PLEKHG4B: variants seen among roughly 807,000 people sequenced by gnomAD.
PLEKHG4B encodes the protein pleckstrin homology and RhoGEF domain containing G4B.
Under a neutral mutation model 121.3 loss-of-function variants are expected in PLEKHG4B, and 111 were observed. The observed-to-expected ratio is 0.92, with a 90% CI of 0.78 to 1.07. The LOEUF (loss-of-function observed/expected upper bound fraction) is 1.07, where lower values mean the gene tolerates loss of function less well. Ranked by LOEUF, PLEKHG4B falls within the 50% of genes least tolerant of loss-of-function variation. PLEKHG4B has a pLI of 0.00. For synonymous variants in PLEKHG4B, 738 were observed against 725.0 expected (o/e 1.02, Z -0.29); for missense variants, 1,831 against 1,757.8 (o/e 1.04, Z -0.74).
rs766002974 is a variant in PLEKHG4B at position 173,906 on chromosome 5, T to C, written c.4222-12T>C. 6.2e-7 allele frequency: 1 copy of C among 1,611,920 alleles called. No homozygotes were observed. The highest frequency in any genetic ancestry group is 2.2e-5 in the East Asian group (1 of 44,828). ...TCCTGATGGTGCTGCAATGGGTGTT[T>C]GCTGACTGCAGACGGCCGAGATCGG... On this transcript the variant is annotated splice_polypyrimidine_tract_variant and intron_variant, in intron 17 of 19. Transcript: ENST00000637938.
chr5:156,534 C>T lies in PLEKHG4B; in HGVS notation c.2349-239C>T, dbSNP rs751074060. Among the ~76,000 whole-genome samples, 6 of 152,164 alleles carry T rather than the reference C, an allele frequency of 3.9e-5. No individual in the cohort carries two copies. The highest frequency in any genetic ancestry group is 5.9e-5 in the Non-Finnish European group (4 of 68,002). On this transcript the variant is annotated intron_variant, in intron 10 of 19. Coordinates refer to ENST00000637938, the MANE Select transcript of PLEKHG4B (RefSeq NM_052909.5). This position sits in a 1 kb window ranked among gnomAD's most constrained non-coding sequence, Gnocchi z 4.4. The stretch of plus-strand genomic sequence containing the variant: ...CATCTCAGCTGCACACAGCCAGTCC[C>T]GCCTAAGCTGCCCCACCTGGGTCCC...
intron 2 of PLEKHG4B, among the ~76,000 whole-genome samples, chr5:118,484 A>G (rs1327736411): frequency 3.3e-5 from 5 of 152,186 alleles, no homozygotes; most frequent in Non-Finnish European, 7.3e-5. Context: ...ATTTAGAAAC[A>G]TTTATCTCAA....
intron 18 of PLEKHG4B, among the ~76,000 whole-genome samples, chr5:181,158 A>T (rs1237774630): frequency 3.3e-5 from 5 of 152,160 alleles, no homozygotes; most frequent in African/African-American, 1.2e-4. Flanking sequence ...TCCCATGGAC[A>T]CGGCTCCCAG....
intron 1 of PLEKHG4B, among the ~76,000 whole-genome samples, chr5:92,945 A>G (rs1457390520): frequency 6.6e-6 from 1 of 152,158 alleles, no homozygotes; most frequent in East Asian, 1.9e-4. Flanking sequence ...GCTTTGGTGA[A>G]AGAGTGATAA....
chr5:149,047 A>G (rs1735519819), intron 6 of PLEKHG4B, among the ~76,000 whole-genome samples: 1 of 152,238 alleles, frequency 6.6e-6, no homozygotes, highest in South Asian at 2.1e-4. Context: ...ATTCTTACCT[A>G]AACACCATAT....
At chr5:152,094 C>T (rs7706965) in intron 7 of PLEKHG4B, among the ~76,000 whole-genome samples, 28,673 of 152,090 alleles carry the variant, frequency 0.19, 3,777 homozygotes, top group African/African-American at 0.37. Context: ...TTGAGCAAAT[C>T]GCAATGCGAG....
intron 1 of PLEKHG4B, among the ~76,000 whole-genome samples, chr5:104,804 C>T (rs1049806797): frequency 3.3e-5 from 5 of 152,244 alleles, no homozygotes; most frequent in African/African-American, 4.8e-5. Flanking sequence ...TTAGGAAAAG[C>T]ACAACAATCA....
intron 7 of PLEKHG4B, among the ~76,000 whole-genome samples, chr5:152,275 A>T (rs1030024739): frequency 6.6e-6 from 1 of 151,236 alleles, no homozygotes; most frequent in Non-Finnish European, 1.5e-5. Flanking sequence ...TGGTTGTGCA[A>T]TCAGAGCTTA....
At chr5:145,838 T>C (rs1300337732) in intron 6 of PLEKHG4B, among the ~76,000 whole-genome samples, 1 of 152,014 alleles carries the variant, frequency 6.6e-6, no homozygotes, top group Non-Finnish European at 1.5e-5. Flanking sequence ...CCCTCTCCCA[T>C]GCCCCACCTG....
At chr5:153,611 C>A (rs1735672400) in intron 7 of PLEKHG4B, among the ~76,000 whole-genome samples, 1 of 152,212 alleles carries the variant, frequency 6.6e-6, no homozygotes, top group South Asian at 2.1e-4. Flanking sequence ...GTGGTGTGGC[C>A]ACCCCACCCC....
At chr5:165,046 G>C (rs1230030000) in intron 13 of PLEKHG4B, among the ~76,000 whole-genome samples, 6 of 96,246 alleles carry the variant, frequency 6.2e-5, no homozygotes, top group Admixed American at 1.0e-4. Context: ...TCACACTAAT[G>C]CTCTGACGGG....
chr5:161,412 G>A, intron 11 of PLEKHG4B, among the ~76,000 whole-genome samples: 1 of 152,248 alleles, frequency 6.6e-6, no homozygotes, highest in East Asian at 1.9e-4. Context: ...AGAGGCCCGT[G>A]CCACCTCTCA....
intron 2 of PLEKHG4B, among the ~76,000 whole-genome samples, chr5:118,652 T>C (rs942999840): frequency 6.6e-6 from 1 of 152,212 alleles, no homozygotes; most frequent in Admixed American, 6.5e-5. Context: ...CTTCCTCTCA[T>C]GAATCTTAAA....
intron 1 of PLEKHG4B, among the ~76,000 whole-genome samples, chr5:107,018 A>G (rs1259169512): frequency 6.6e-6 from 1 of 152,244 alleles, no homozygotes; most frequent in Non-Finnish European, 1.5e-5. Context: ...CTCAGTGCAG[A>G]CATGGGAAGA....
rs201248236 is a variant in PLEKHG4B, at chr5:97,858, A to G, written c.45+5582A>G. Among the ~76,000 whole-genome samples the G allele has an allele frequency of 1.8e-4, 28 of 152,248 alleles. 1 individual carries two copies. The East Asian group carries it at 5.4e-3, about 29-fold the overall frequency. On this transcript the variant is annotated intron_variant, in intron 1 of 19. Transcript: ENST00000637938. Reference sequence around the variant, plus strand: ...GTTCTGTGTAACTTTTTGACAGACCACCAGACTCGCTCCATAGCAGCTGCA... The same window carrying G: ...GTTCTGTGTAACTTTTTGACAGACCGCCAGACTCGCTCCATAGCAGCTGCA...
chr5:147,672 G>A (rs879867612), intron 6 of PLEKHG4B, among the ~76,000 whole-genome samples: 4 of 152,184 alleles, frequency 2.6e-5, no homozygotes, highest in Non-Finnish European at 4.4e-5. Context: ...CTTTTTACAA[G>A]CATGTAAGTT....
chr5:150,640 A>G lies in PLEKHG4B; in HGVS notation c.1906-873A>G, dbSNP rs550425768. Among the ~76,000 whole-genome samples the G allele has an allele frequency of 6.6e-5, 10 of 152,364 alleles. 1 individual carries two copies. In the South Asian group the frequency reaches 2.1e-3, roughly 32 times the overall value. The stretch of plus-strand genomic sequence containing the variant: ...AGGATTTGAGTACTCTTCACTGAAG[A>G]TGATACACAGATGGCAAATAAGCAC... On this transcript the variant is annotated intron_variant, in intron 6 of 19. Coordinates refer to ENST00000637938, the MANE Select transcript of PLEKHG4B (RefSeq NM_052909.5).
chr5:183,025 C>G lies in PLEKHG4B; in HGVS notation c.*702C>G, dbSNP rs1733470200. 1.3e-5 allele frequency: 2 copies of G among 152,344 alleles called. No homozygotes were observed. The highest frequency in any genetic ancestry group is 4.2e-4 in the South Asian group (2 of 4,816). The allele number at this position is 152,344 out of a possible 1,614,324, so 9.4% of individuals were successfully genotyped here. On this transcript the variant is annotated 3_prime_UTR_variant, in exon 20 of 20. Coordinates refer to ENST00000637938, the MANE Select transcript of PLEKHG4B (RefSeq NM_052909.5). ...CAGACTAGGGAAACTCTCAATAGAT[C>G]AATTCCTGATACTCATGTGGGCTGG... is the stretch of plus-strand genomic sequence containing the variant.
At chr5:181,880 T>G in intron 19 of PLEKHG4B, 124 bp from the exon 20 acceptor site, 1 of 1,306,184 alleles carries the variant, frequency 7.7e-7, no homozygotes, top group Non-Finnish European at 1.1e-6. Context: ...CATGGTGGGT[T>G]GGATGGGCAT....
Sources: gnomAD v4.1 joint callset for allele counts (sites outside exome capture counted in the v4.1 genomes callset) on GRCh38, gnomAD v4.1.1 for gene constraint, Gnocchi (gnomAD v3.1) non-coding constraint, MANE v1.5 for transcripts, NCBI Gene and HGNC (gene_info 2026-07-23, HGNC 2026-07-21) for gene names.